KCNIP4: variants seen among roughly 807,000 people sequenced by gnomAD.
KCNIP4 encodes Kv channel-interacting protein 4.
A neutral mutation model predicts 34.0 loss-of-function variants in KCNIP4; 12 were observed. The ratio of observed to expected loss-of-function variants is 0.35; its 90% CI spans 0.23 to 0.57. KCNIP4 has a LOEUF of 0.57. KCNIP4 is among the 20% of genes least tolerant of loss of function. The pLI, the probability that KCNIP4 is intolerant of heterozygous loss-of-function variation, is 0.83. For missense variants in KCNIP4, 238 were observed against 311.7 expected (o/e 0.76, Z 1.78); for synonymous variants, 124 against 102.2 (o/e 1.21, Z -1.29).
At chr4:21,247,892 G>GAT (rs778784103) in intron 1 of KCNIP4, among the ~76,000 whole-genome samples, 1,277 of 110,388 alleles carry the variant, frequency 0.012, 24 homozygotes, top group African/African-American at 0.039. Flanking sequence ...ACCACAGGTA[G>GAT]ATATATATAT....
chr4:21,808,937 A>G (rs1483520226), intron 1 of KCNIP4, among the ~76,000 whole-genome samples: 3 of 152,200 alleles, frequency 2.0e-5, no homozygotes, highest in Non-Finnish European at 2.9e-5. Flanking sequence ...ACACCATGCC[A>G]GGCTTCACAG....
At chr4:21,409,172 T>A (rs1022374082) in intron 1 of KCNIP4, among the ~76,000 whole-genome samples, 6 of 151,934 alleles carry the variant, frequency 3.9e-5, no homozygotes, top group Non-Finnish European at 8.8e-5. Flanking sequence ...AATGGCATGA[T>A]CATAGCTCAC....
At chr4:21,714,795 T>TTTA (rs371121568) in intron 1 of KCNIP4, among the ~76,000 whole-genome samples, 8 of 198 alleles carry the variant, frequency 0.04, no homozygotes, top group African/African-American at 0.1. Flanking sequence ...GATTATTTTA[T>TTTA]TTTATTTTAT....
intron 1 of KCNIP4, among the ~76,000 whole-genome samples, chr4:21,732,911 C>T (rs1715712590): frequency 6.6e-6 from 1 of 152,104 alleles, no homozygotes; most frequent in Admixed American, 6.5e-5. Context: ...TATTTCTGTT[C>T]TATTTCTATA....
At chr4:21,155,803 C>T (rs571002596) in intron 1 of KCNIP4, among the ~76,000 whole-genome samples, 41 of 152,144 alleles carry the variant, frequency 2.7e-4, no homozygotes, top group Non-Finnish European at 4.7e-4. Flanking sequence ...TGCATGTAAA[C>T]GTTGGCAGAG....
chr4:20,835,078 CAA>C (rs1218136728), intron 3 of KCNIP4, among the ~76,000 whole-genome samples: 2 of 152,116 alleles, frequency 1.3e-5, no homozygotes, highest in Non-Finnish European at 2.9e-5. Context: ...TGCTTACCAT[CAA>C]AGAGCCCAAG....
chr4:21,743,392 G>C (rs1716553395), intron 1 of KCNIP4, among the ~76,000 whole-genome samples: 2 of 131,636 alleles, frequency 1.5e-5, no homozygotes, highest in Non-Finnish European at 3.2e-5. Context: ...CTGGGACATT[G>C]ACACTTTTGT....
chr4:21,353,811 C>T (rs58231111), intron 1 of KCNIP4, among the ~76,000 whole-genome samples: 3,887 of 152,148 alleles, frequency 0.026, 199 homozygotes, highest in East Asian at 0.2. Flanking sequence ...CACAAAGATA[C>T]GCCTTGAGAA....
chr4:21,427,324 A>G (rs1726020957), intron 1 of KCNIP4, among the ~76,000 whole-genome samples: 1 of 152,168 alleles, frequency 6.6e-6, no homozygotes, highest in Non-Finnish European at 1.5e-5. Flanking sequence ...TAAAAAAAAA[A>G]AAAATTAAGG....
intron 1 of KCNIP4, among the ~76,000 whole-genome samples, chr4:21,631,696 T>A (rs956425505): frequency 3.3e-4 from 51 of 152,312 alleles, no homozygotes; most frequent in African/African-American, 1.2e-3. Flanking sequence ...TATCTTTATG[T>A]GCCCATATTC....
chr4:21,678,136 G>A (rs1750052447), intron 1 of KCNIP4, among the ~76,000 whole-genome samples: 1 of 152,104 alleles, frequency 6.6e-6, no homozygotes, highest in Non-Finnish European at 1.5e-5. Context: ...TGCAGGCTTT[G>A]TGGGCCAGAC....
chr4:21,693,142 A>C (rs1343003501), intron 1 of KCNIP4, among the ~76,000 whole-genome samples: 1 of 36,146 alleles, frequency 2.8e-5, no homozygotes, highest in Non-Finnish European at 6.9e-5. Context: ...ACAGGAATAT[A>C]GCCTACCCAC....
At chr4:21,124,616 C>T (rs1249284771) in intron 1 of KCNIP4, among the ~76,000 whole-genome samples, 3 of 152,074 alleles carry the variant, frequency 2.0e-5, no homozygotes, top group Non-Finnish European at 4.4e-5. Flanking sequence ...ACATTATCCC[C>T]ATATTCCTGG....
intron 1 of KCNIP4, among the ~76,000 whole-genome samples, chr4:21,752,291 G>T (rs906745100): frequency 2.6e-5 from 4 of 152,086 alleles, no homozygotes; most frequent in African/African-American, 9.7e-5. Flanking sequence ...ATGGCTGAGG[G>T]GGGCGCCTCA....
chr4:21,079,639 TTA>T (rs1365813957), intron 1 of KCNIP4, among the ~76,000 whole-genome samples: 1 of 143,644 alleles, frequency 7.0e-6, no homozygotes, highest in East Asian at 1.9e-4. Context: ...TGTGAATATG[TTA>T]TGTTACATAT....
intron 3 of KCNIP4, among the ~76,000 whole-genome samples, chr4:20,825,224 CGTTTTTT>C (rs752047506): frequency 6.2e-5 from 6 of 96,720 alleles, no homozygotes; most frequent in South Asian, 8.8e-4. Context: ...GTCAATTTTA[CGTTTTTT>C]TTTTTTTTTT....
At chr4:21,905,263 G>T (rs1490205417) in intron 1 of KCNIP4, among the ~76,000 whole-genome samples, 1 of 152,116 alleles carries the variant, frequency 6.6e-6, no homozygotes, top group Non-Finnish European at 1.5e-5. Flanking sequence ...TGCTGTGTCT[G>T]TGTCTCTTAA....
chr4:21,086,454 G>A (rs1466494896), intron 1 of KCNIP4, among the ~76,000 whole-genome samples: 1 of 152,160 alleles, frequency 6.6e-6, no homozygotes, highest in Non-Finnish European at 1.5e-5. Context: ...AATTTAAAAT[G>A]TAATTGCTCC....
intron 1 of KCNIP4, among the ~76,000 whole-genome samples, chr4:21,516,526 T>C (rs895458696): frequency 2.0e-5 from 3 of 152,192 alleles, no homozygotes; most frequent in African/African-American, 7.2e-5. Flanking sequence ...TGTTGACATC[T>C]GTCAGAGTCA....
Sources: gnomAD v4.1 joint callset for allele counts (sites outside exome capture counted in the v4.1 genomes callset) on GRCh38, gnomAD v4.1.1 for gene constraint, MANE v1.5 for transcripts, NCBI Gene and HGNC (gene_info 2026-07-23, HGNC 2026-07-21) for gene names.